The following CELF2 variants were observed in gnomAD, a reference collection of about 807,000 sequenced individuals.
CELF2 encodes the protein CUGBP Elav-like family member 2.
A neutral mutation model predicts 62.6 loss-of-function variants in CELF2; 8 were observed. That is an observed-to-expected ratio of 0.13 (90% CI 0.07 to 0.23). CELF2 has a LOEUF of 0.23. Among genes scored for constraint, CELF2 ranks in the 10% least tolerant of loss-of-function variants. The pLI is 1.00. For missense variants in CELF2, 333 were observed against 671.0 expected, an observed-to-expected ratio of 0.50 and a Z score of 5.56; for synonymous variants, 258 against 250.0, an observed-to-expected ratio of 1.03 and a Z score of -0.30.
the CELF2 span, among the ~76,000 whole-genome samples, chr10:10,640,568 A>G: frequency 1.3e-5 from 2 of 152,168 alleles, no homozygotes; most frequent in African/African-American, 4.8e-5. Context: ...TTGTTTGCAC[A>G]GTGGTCCTAC....
At chr10:11,078,184 TAA>T (rs60749613) in intron 1 of CELF2, among the ~76,000 whole-genome samples, 9,187 of 149,806 alleles carry the variant, frequency 0.061, 473 homozygotes, top group African/African-American at 0.15. Flanking sequence ...AGTCTATTTA[TAA>T]AAAAAAAAAA....
At chr10:10,631,663 A>G in the CELF2 span, among the ~76,000 whole-genome samples, 6 of 152,208 alleles carry the variant, frequency 3.9e-5, no homozygotes, top group African/African-American at 1.2e-4. Flanking sequence ...TGGACCATCC[A>G]CTGGACGTTT....
chr10:10,848,090 C>T (rs1487937594), intron 1 of CELF2, among the ~76,000 whole-genome samples: 2 of 152,106 alleles, frequency 1.3e-5, no homozygotes, highest in Non-Finnish European at 2.9e-5. Context: ...GACAATTTCC[C>T]GCTATATTGT....
intron 2 of CELF2, among the ~76,000 whole-genome samples, chr10:10,951,143 C>T (rs958247480): frequency 6.6e-6 from 1 of 152,176 alleles, no homozygotes; most frequent in Admixed American, 6.5e-5. Context: ...AACTTCAGCA[C>T]CATCCTCCTT....
chr10:10,816,156 G>A (rs1252696479), intron 1 of CELF2, among the ~76,000 whole-genome samples: 1 of 151,978 alleles, frequency 6.6e-6, no homozygotes, highest in Non-Finnish European at 1.5e-5. Context: ...ATTTGTTGTT[G>A]GTAAGCACAG....
the CELF2 span, among the ~76,000 whole-genome samples, chr10:10,646,661 T>G: frequency 6.6e-6 from 1 of 152,232 alleles, no homozygotes; most frequent in Non-Finnish European, 1.5e-5. Context: ...CTTCCTGAGT[T>G]TTGTTTCATG....
At chr10:10,824,290 T>C in intron 1 of CELF2, among the ~76,000 whole-genome samples, 1 of 152,342 alleles carries the variant, frequency 6.6e-6, no homozygotes, top group East Asian at 1.9e-4. Context: ...ATTAATAGTG[T>C]GTGATTTTCA....
the CELF2 span, among the ~76,000 whole-genome samples, chr10:10,495,785 A>C: frequency 6.6e-6 from 1 of 152,102 alleles, no homozygotes; most frequent in Non-Finnish European, 1.5e-5. Context: ...TTCTACAATG[A>C]TCCCTTCTGT....
At chr10:11,198,462 T>G (rs1251571320) in intron 2 of CELF2, among the ~76,000 whole-genome samples, 2 of 152,246 alleles carry the variant, frequency 1.3e-5, no homozygotes, top group Non-Finnish European at 2.9e-5. Flanking sequence ...TTTTTCTGTT[T>G]AATATTTTGA....
chr10:11,204,941 AG>A (rs2060094562), intron 2 of CELF2, among the ~76,000 whole-genome samples: 1 of 152,206 alleles, frequency 6.6e-6, no homozygotes. Flanking sequence ...TGTGCTCCTT[AG>A]CCGTAGGTTT....
chr10:10,673,044 G>T, the CELF2 span, among the ~76,000 whole-genome samples: 3 of 150,556 alleles, frequency 2.0e-5, no homozygotes, highest in African/African-American at 4.9e-5. Flanking sequence ...ATTTTTTTTT[G>T]AGGGCACTAA....
the CELF2 span, among the ~76,000 whole-genome samples, chr10:10,704,429 A>G: frequency 6.6e-6 from 1 of 152,230 alleles, no homozygotes; most frequent in African/African-American, 2.4e-5. Context: ...TGAAGTCCTT[A>G]GGAGGTTGAA....
chr10:10,848,518 AC>A (rs1022567182), intron 1 of CELF2, among the ~76,000 whole-genome samples: 1 of 152,224 alleles, frequency 6.6e-6, no homozygotes, highest in African/African-American at 2.4e-5. Context: ...TGGAATTAAG[AC>A]AGAAATCTTT....
chr10:10,867,531 C>T (rs1012053117), intron 1 of CELF2, among the ~76,000 whole-genome samples: 10 of 152,188 alleles, frequency 6.6e-5, no homozygotes, highest in African/African-American at 2.4e-4. Context: ...TTTCATATCG[C>T]TAATCTTATT....
At chr10:10,883,335 A>G (rs2061552002) in intron 1 of CELF2, among the ~76,000 whole-genome samples, 1 of 152,246 alleles carries the variant, frequency 6.6e-6, no homozygotes, top group South Asian at 2.1e-4. Context: ...TTGAGCGTTT[A>G]AGCAATAAAA....
intron 5 of CELF2, among the ~76,000 whole-genome samples, chr10:11,263,732 T>C (rs2081380536): frequency 1.3e-5 from 2 of 152,256 alleles, no homozygotes; most frequent in Non-Finnish European, 2.9e-5. Context: ...TGTGTTAGTA[T>C]AAAGCCATAC....
In CELF2 at chr10:11,331,473, GA is replaced by G. The variant is rs974510875; in HGVS notation, c.*2427del. ...AAATGTGATGTTTTTTTCTTTTAAA[GA>G]AAAAAAGTGAAAATATATAGTGCCA... On this transcript the variant is annotated 3_prime_UTR_variant, in exon 13 of 13. Coordinates refer to ENST00000633077, the MANE Select transcript of CELF2 (RefSeq NM_001326342.2). 1 of 150,084 alleles carries G rather than the reference GA, an allele frequency of 6.7e-6. No individual in the cohort carries two copies. Among genetic ancestry groups the G allele is most frequent in the Admixed American group, 6.6e-5 (1 of 15,092 alleles). 9.3% of individuals were successfully genotyped at this position (150,084 alleles called of 1,614,324 possible). A position where few individuals can be genotyped will look rare whatever the true frequency, so the allele number is the denominator to read the frequency against.
At chr10:10,883,108 T>C (rs2061537906) in intron 1 of CELF2, among the ~76,000 whole-genome samples, 1 of 152,172 alleles carries the variant, frequency 6.6e-6, no homozygotes, top group African/African-American at 2.4e-5. Flanking sequence ...CATTACACAA[T>C]ACTCAAAAAT....
intron 1 of CELF2, chr10:11,018,819 AT>A (rs2057803461): frequency 6.6e-6 from 1 of 152,238 alleles, no homozygotes; most frequent in Non-Finnish European, 1.5e-5. Context: ...TTCTTACCAA[AT>A]TACCCGCTCA....
Sources: gnomAD v4.1 joint callset for allele counts (sites outside exome capture counted in the v4.1 genomes callset) on GRCh38, gnomAD v4.1.1 for gene constraint, MANE v1.5 for transcripts, NCBI Gene and HGNC (gene_info 2026-07-23, HGNC 2026-07-21) for gene names.